SYNDIG1L: variants seen among roughly 807,000 people sequenced by gnomAD.
SYNDIG1L encodes the protein synapse differentiation-inducing gene protein 1-like.
Under a neutral mutation model 20.1 loss-of-function variants are expected in SYNDIG1L, and 13 were observed. That is an observed-to-expected ratio of 0.65 (90% CI 0.42 to 1.03). The LOEUF (loss-of-function observed/expected upper bound fraction) is 1.03. Among genes scored for constraint, SYNDIG1L ranks in the 50% least tolerant of loss-of-function variants. The pLI, the probability that SYNDIG1L is intolerant of heterozygous loss-of-function variation, is 0.00. For missense variants in SYNDIG1L, 294 were observed against 305.1 expected, an observed-to-expected ratio of 0.96 and a Z score of 0.27; for synonymous variants, 128 against 129.3, an observed-to-expected ratio of 0.99 and a Z score of 0.07.
rs774572468 is a variant in SYNDIG1L, at chr14:74,406,970, A to G, written c.*565T>C. 2.5e-5 allele frequency: 4 copies of G among 157,542 alleles called. No individual in the cohort carries two copies. Among genetic ancestry groups the G allele is most frequent in the Non-Finnish European group, 5.6e-5 (4 of 71,020 alleles). The allele number at this position is 157,542 out of a possible 1,614,324, so 9.8% of individuals were successfully genotyped here. A position where few individuals can be genotyped will look rare whatever the true frequency, so the allele number is the denominator to read the frequency against. On this transcript the variant is annotated 3_prime_UTR_variant, in exon 4 of 4. Coordinates refer to ENST00000331628, the MANE Select transcript of SYNDIG1L (RefSeq NM_001105579.2). ...CATGCAGAGATAAGCACCCTCTAGAATCAGAGACAGCAAGAGGCCCCCTTG... is the reference window on the plus strand; with the variant it reads ...CATGCAGAGATAAGCACCCTCTAGAGTCAGAGACAGCAAGAGGCCCCCTTG...
At chr14:74,461,295 G>A in the SYNDIG1L span, among the ~76,000 whole-genome samples, 2 of 152,018 alleles carry the variant, frequency 1.3e-5, no homozygotes, top group Non-Finnish European at 2.9e-5. Flanking sequence ...TGTTTCCTGA[G>A]CTCGCCATTA....
At chr14:74,442,445 A>G in the SYNDIG1L span, among the ~76,000 whole-genome samples, 1 of 152,336 alleles carries the variant, frequency 6.6e-6, no homozygotes, top group African/African-American at 2.4e-5. Flanking sequence ...GATGCACGAA[A>G]GTTCTGTAGT....
the SYNDIG1L span, among the ~76,000 whole-genome samples, chr14:74,456,163 C>T: frequency 6.6e-6 from 1 of 152,160 alleles, no homozygotes; most frequent in Admixed American, 6.5e-5. Context: ...AGCTGTGTGC[C>T]ACTAGATGGT....
chr14:74,447,412 C>T, the SYNDIG1L span, among the ~76,000 whole-genome samples: 1 of 152,016 alleles, frequency 6.6e-6, no homozygotes, highest in Non-Finnish European at 1.5e-5. Flanking sequence ...CATGGTGAAA[C>T]CCCGTGTCTA....
intron 1 of SYNDIG1L, among the ~76,000 whole-genome samples, chr14:74,416,324 A>T (rs1307128244): frequency 1.3e-5 from 2 of 152,208 alleles, no homozygotes; most frequent in East Asian, 3.8e-4. Flanking sequence ...TGTGTATTAT[A>T]TCTCAAAGAT....
At chr14:74,434,223 C>T in the SYNDIG1L span, among the ~76,000 whole-genome samples, 3 of 152,114 alleles carry the variant, frequency 2.0e-5, no homozygotes, top group African/African-American at 7.2e-5. Context: ...CATGCACTAC[C>T]TTAAAATTAT....
At chr14:74,449,638 G>T in the SYNDIG1L span, among the ~76,000 whole-genome samples, 5 of 148,714 alleles carry the variant, frequency 3.4e-5, no homozygotes, top group Non-Finnish European at 7.4e-5. Context: ...AAAGAAAAAA[G>T]AAAAAGAAAA....
chr14:74,407,298 C>T lies in SYNDIG1L; in HGVS notation c.*237G>A. 1.7e-6 allele frequency: 1 copy of T among 598,570 alleles called. No homozygotes were observed. Among genetic ancestry groups the T allele is most frequent in the Non-Finnish European group, 2.9e-6 (1 of 343,536 alleles). 37.1% of individuals were successfully genotyped at this position (598,570 alleles called of 1,614,324 possible). On this transcript the variant is annotated 3_prime_UTR_variant, in exon 4 of 4. Coordinates refer to ENST00000331628, the MANE Select transcript of SYNDIG1L (RefSeq NM_001105579.2). The stretch of plus-strand genomic sequence containing the variant: ...TGGTGGGCAGCCCTGCCTTCTGTTT[C>T]CCGTCTGTAGCCTGGGTTAGAGAGT...
At position 74,406,230 on chromosome 14, in the gene SYNDIG1L, T is replaced by C; in HGVS notation, c.*1305A>G. ...GACTGGCACTGAGCAGAGATATCAGTGAAGATGCCCCAGGGGTAACCAGGT... is the reference window on the plus strand; with the variant it reads ...GACTGGCACTGAGCAGAGATATCAGCGAAGATGCCCCAGGGGTAACCAGGT... On this transcript the variant is annotated 3_prime_UTR_variant, in exon 4 of 4. Coordinates refer to ENST00000331628, the MANE Select transcript of SYNDIG1L (RefSeq NM_001105579.2). The C allele has an allele frequency of 2.5e-6, 1 of 397,270 alleles. No homozygotes were observed. The highest frequency in any genetic ancestry group is 4.4e-6 in the Non-Finnish European group (1 of 225,772). The allele number at this position is 397,270 out of a possible 1,614,324, so 24.6% of individuals were successfully genotyped here.
the SYNDIG1L span, among the ~76,000 whole-genome samples, chr14:74,439,655 C>T: frequency 0.026 from 3,961 of 152,048 alleles, 169 homozygotes; most frequent in African/African-American, 0.09. Context: ...CCGAGGCAGG[C>T]GGATCACCTG....
Position 74,419,746 on chromosome 14 carries a change from G to A in SYNDIG1L, c.-58+6166C>T, listed in dbSNP as rs79967120. On this transcript the variant is annotated intron_variant, in intron 1 of 3. Transcript: ENST00000331628. The stretch of plus-strand genomic sequence containing the variant: ...AAGGTGATGGTGAGAACTAGGAAGA[G>A]GCTTCTCAGAGCAGGTGACTTCTGA... 2.9e-3 allele frequency among the ~76,000 whole-genome samples: 443 copies of A among 152,310 alleles called. 19 individuals are homozygous for A. In the East Asian group the frequency reaches 0.078, roughly 27 times the overall value.
upstream of SYNDIG1L, among the ~76,000 whole-genome samples, chr14:74,430,462 G>A (rs754147451): frequency 2.0e-5 from 3 of 151,108 alleles, no homozygotes; most frequent in Non-Finnish European, 4.4e-5. Context: ...TTGAGACAGA[G>A]TCTCACTCTG....
chr14:74,411,996 C>T (rs932048287), intron 1 of SYNDIG1L, among the ~76,000 whole-genome samples: 4 of 152,204 alleles, frequency 2.6e-5, no homozygotes, highest in African/African-American at 9.7e-5. Flanking sequence ...TCCATATAGG[C>T]TGTCATGCAG....
At chr14:74,452,590 G>A in the SYNDIG1L span, among the ~76,000 whole-genome samples, 2 of 152,098 alleles carry the variant, frequency 1.3e-5, no homozygotes, top group African/African-American at 4.8e-5. Flanking sequence ...TCTTTCTTTT[G>A]TAAACTGCCC....
chr14:74,405,946 C>G lies in SYNDIG1L; in HGVS notation c.*1589G>C, dbSNP rs560448823. On this transcript the variant is annotated 3_prime_UTR_variant, in exon 4 of 4. Transcript: ENST00000331628. ...AGGATAAATCAGTACAATAATGGGACCTTAAAACTGCTGTGATGCAGGAGT... is the reference window on the plus strand; with the variant it reads ...AGGATAAATCAGTACAATAATGGGAGCTTAAAACTGCTGTGATGCAGGAGT... 3 of 398,552 alleles carry G rather than the reference C, an allele frequency of 7.5e-6. No individual in the cohort carries two copies. The highest frequency in any genetic ancestry group is 1.3e-5 in the Non-Finnish European group (3 of 226,126). 24.7% of individuals were successfully genotyped at this position (398,552 alleles called of 1,614,324 possible). A position where few individuals can be genotyped will look rare whatever the true frequency, so the allele number is the denominator to read the frequency against.
chr14:74,456,082 C>G, the SYNDIG1L span, among the ~76,000 whole-genome samples: 10 of 152,206 alleles, frequency 6.6e-5, no homozygotes, highest in African/African-American at 2.2e-4. Context: ...TTATATCGCT[C>G]AGCTCTCTTC....
At chr14:74,443,770 A>ATCTT in the SYNDIG1L span, among the ~76,000 whole-genome samples, 1 of 152,198 alleles carries the variant, frequency 6.6e-6, no homozygotes. Context: ...AAGAGATTGA[A>ATCTT]TCTTCTTTCT....
chr14:74,409,856 C>G, intron 1 of SYNDIG1L, 55 bp from the exon 2 acceptor site: 1 of 1,280,732 alleles, frequency 7.8e-7, no homozygotes, highest in Non-Finnish European at 1.0e-6. Flanking sequence ...GAGGCAGGAC[C>G]TAAAGTGGTG....
the SYNDIG1L span, among the ~76,000 whole-genome samples, chr14:74,432,180 T>TGTGTGTGAGAGA: frequency 1.0e-3 from 126 of 124,150 alleles, no homozygotes; most frequent in Non-Finnish European, 1.6e-3. Context: ...TGTGTGTGTG[T>TGTGTGTGAGAGA]GAGAGAGAGA....
Sources: gnomAD v4.1 joint callset for allele counts (sites outside exome capture counted in the v4.1 genomes callset) on GRCh38, gnomAD v4.1.1 for gene constraint, MANE v1.5 for transcripts, NCBI Gene and HGNC (gene_info 2026-07-23, HGNC 2026-07-21) for gene names.